The following KCNA7 variants were observed in gnomAD, a reference collection of about 807,000 sequenced individuals.
KCNA7 encodes potassium channel, voltage gated shaker related subfamily A, member 7.
A neutral mutation model predicts 21.5 loss-of-function variants in KCNA7; 15 were observed. The ratio of observed to expected loss-of-function variants is 0.70; its 90% confidence interval spans 0.47 to 1.07. KCNA7 has a LOEUF of 1.07. KCNA7 is among the 50% of genes least tolerant of loss of function. The pLI is 0.00. For synonymous variants in KCNA7, 298 were observed against 291.0 expected (o/e 1.02, Z -0.24); for missense variants, 640 against 651.6 (o/e 0.98, Z 0.19).
At position 49,067,725 on chromosome 19, in the gene KCNA7, G is replaced by C. The variant is rs1252873668; in HGVS notation, c.*2338C>G. ...TTGGGAAGCCACTCCCCTGCTCTGA[G>C]ACTCAGGTTTCTCCCCTGGAAAACA... On this transcript the variant is annotated 3_prime_UTR_variant, in exon 2 of 2. Coordinates refer to ENST00000221444, the MANE Select transcript of KCNA7 (RefSeq NM_031886.3). 6.6e-6 allele frequency: 1 copy of C among 152,134 alleles called. No homozygotes were observed. Among genetic ancestry groups the C allele is most frequent in the Non-Finnish European group, 1.5e-5 (1 of 68,046 alleles). 9.4% of individuals were successfully genotyped at this position (152,134 alleles called of 1,614,324 possible). A position where few individuals can be genotyped will look rare whatever the true frequency, so the allele number is the denominator to read the frequency against.
chr19:49,070,751 A>G lies in KCNA7; in HGVS notation c.683T>C (p.Leu228Pro). The change falls in exon 2 of 2, where the codon CTC becomes CCC. Residue 228 changes from leucine to proline, a missense_variant. Coordinates refer to ENST00000221444, the MANE Select transcript of KCNA7 (RefSeq NM_031886.3). The surrounding 1 kb of genome is among the most constrained non-coding windows in gnomAD (Gnocchi z 4.3). ...GATAGCCTTGCTTGGACAGACCAGGAGGCGTACCAGCAGCTCAAAGGAGAA... is the reference window on the plus strand; with the variant it reads ...GATAGCCTTGCTTGGACAGACCAGGGGGCGTACCAGCAGCTCAAAGGAGAA... ...CWFSFELLVR[L>P]LVCPSKAIFF... The G allele has an allele frequency of 6.2e-7, 1 of 1,614,162 alleles. No individual in the cohort carries two copies. Among genetic ancestry groups the G allele is most frequent in the East Asian group, 2.2e-5 (1 of 44,880 alleles).
In KCNA7 at chr19:49,072,356, C is replaced by T. The variant is rs757899215; in HGVS notation, c.230G>A (p.Arg77Gln). The T allele has an allele frequency of 7.5e-6, 12 of 1,595,462 alleles. 1 individual carries two copies. The highest frequency in any genetic ancestry group is 1.7e-4 in the Middle Eastern group (1 of 6,030). Residue 77 changes from arginine to glutamine, a missense_variant, in exon 1 of 2, where the codon CGG becomes CAG. Coordinates refer to ENST00000221444, the MANE Select transcript of KCNA7 (RefSeq NM_031886.3). ...AVLYYYQSGG[R>Q]LRRPAHVPLD... ...CGGCACGTGCGCCGGCCGCCGCAGC[C>T]GCCCACCGGACTGGTAGTAGTAGAG...
chr19:49,069,975 C>G lies in KCNA7; in HGVS notation c.*88G>C. ...GACTTAACCTAGCTCTTCCTAAACCCAATCCCCTCCCCCCAGCCTTGCCCT... is the reference window on the plus strand; with the variant it reads ...GACTTAACCTAGCTCTTCCTAAACCGAATCCCCTCCCCCCAGCCTTGCCCT... On this transcript the variant is annotated 3_prime_UTR_variant, in exon 2 of 2. Transcript: ENST00000221444. The G allele has an allele frequency of 2.8e-6, 3 of 1,060,646 alleles. No homozygotes were observed. Among genetic ancestry groups the G allele is most frequent in the Non-Finnish European group, 4.2e-6 (3 of 720,734 alleles). The allele number at this position is 1,060,646 out of a possible 1,614,324, so 65.7% of individuals were successfully genotyped here.
chr19:49,072,338 T>C lies in KCNA7; in HGVS notation c.248A>G (p.His83Arg). 3.8e-6 allele frequency: 6 copies of C among 1,592,558 alleles called. No individual in the cohort carries two copies. Among genetic ancestry groups the C allele is most frequent in the Non-Finnish European group, 5.1e-6 (6 of 1,174,190 alleles). The change falls in exon 1 of 2, where the codon CAC becomes CGC. Residue 83 changes from histidine (H) to arginine (R), a missense_variant. By Grantham distance (29) the His-to-Arg change is conservative. Coordinates refer to ENST00000221444, the MANE Select transcript of KCNA7 (RefSeq NM_031886.3). ...TTCCAGGAAGACGTCGAGCGGCACG[T>C]GCGCCGGCCGCCGCAGCCGCCCACC... is the stretch of plus-strand genomic sequence containing the variant. Reference protein sequence around the residue: ...QSGGRLRRPAHVPLDVFLEEV... With the variant: ...QSGGRLRRPARVPLDVFLEEV...
chr19:49,070,875 G>A lies in KCNA7; in HGVS notation c.559C>T (p.Pro187Ser), dbSNP rs144215009. Residue 187 changes from proline (P) to serine (S), a missense_variant, in exon 2 of 2, where the codon CCC becomes TCC. Transcript: ENST00000221444. This position sits in a 1 kb window ranked among gnomAD's most constrained non-coding sequence, Gnocchi z 4.3. ...TGGCTGGAGCCATTCAGCGGAGCGGGGAACTGCAGGGAGGAAAGTGTTCAG... is the reference window on the plus strand; with the variant it reads ...TGGCTGGAGCCATTCAGCGGAGCGGAGAACTGCAGGGAGGAAAGTGTTCAG... ...LAAAAAAGPF[P>S]APLNGSSQMP... 1.3e-3 allele frequency: 2,086 copies of A among 1,610,006 alleles called. 26 individuals are homozygous for A. The African/African-American group carries it at 0.025, about 19-fold the overall frequency.
chr19:49,071,919 TG>T, intron 1 of KCNA7, 111 bp downstream of exon 1: 1 of 631,060 alleles, frequency 1.6e-6, no homozygotes, highest in Non-Finnish European at 2.4e-6. Flanking sequence ...TGTCTTCGGC[TG>T]GCCCACCCCT....
intron 1 of KCNA7, 73 bp downstream of exon 1, chr19:49,071,958 G>T: frequency 1.5e-5 from 14 of 915,288 alleles, no homozygotes; most frequent in Non-Finnish European, 2.0e-5. Context: ...CCTTATGATT[G>T]GCCAGGTCCC....
At chr19:49,071,924 C>T in intron 1 of KCNA7, 107 bp downstream of exon 1, 1 of 1,117,790 alleles carries the variant, frequency 8.9e-7, no homozygotes, top group South Asian at 1.5e-5. Context: ...TCGGCTGGCC[C>T]ACCCCTCGCA....
chr19:49,070,071 C>T lies in KCNA7; in HGVS notation c.1363G>A (p.Glu455Lys), dbSNP rs762119570. The change falls in exon 2 of 2, where the codon GAA becomes AAA. Residue 455 changes from glutamate to lysine, a missense_variant. Physicochemically the swap from Glu to Lys is moderately conservative, Grantham distance 56. Coordinates refer to ENST00000221444, the MANE Select transcript of KCNA7 (RefSeq NM_031886.3). The surrounding 1 kb of genome is among the most constrained non-coding windows in gnomAD (Gnocchi z 4.3). ...CAGACCTCAACTGTTCCTCACACTTCGGTGACCAGGTGTTTCCCTGGGGGT... is the reference window on the plus strand; with the variant it reads ...CAGACCTCAACTGTTCCTCACACTTTGGTGACCAGGTGTTTCCCTGGGGGT... Reference protein sequence around the residue: ...WAPPGKHLVTEV With the variant: ...WAPPGKHLVTKV 3.1e-5 allele frequency: 50 copies of T among 1,599,940 alleles called. No individual in the cohort carries two copies. The highest frequency in any genetic ancestry group is 1.7e-4 in the Middle Eastern group (1 of 6,046).
chr19:49,071,099 C>T (rs553016696), intron 1 of KCNA7, among the ~76,000 whole-genome samples: 17 of 152,248 alleles, frequency 1.1e-4, no homozygotes, highest in African/African-American at 3.9e-4. Flanking sequence ...TGGCTGGAGA[C>T]GTGGTCCCTG....
chr19:49,072,630 A>T lies in KCNA7; in HGVS notation c.-45T>A. 1 of 1,098,138 alleles carries T rather than the reference A, an allele frequency of 9.1e-7. No individual in the cohort carries two copies. Among genetic ancestry groups the T allele is most frequent in the African/African-American group, 1.7e-5 (1 of 59,000 alleles). 68.0% of individuals were successfully genotyped at this position (1,098,138 alleles called of 1,614,324 possible). A position where few individuals can be genotyped will look rare whatever the true frequency, so the allele number is the denominator to read the frequency against. ...ACCCGCGAACCGACGTGTGGCCCCG[A>T]CGCCCGGCCCCGGTGCGGCCCCGCC... On this transcript the variant is annotated 5_prime_UTR_variant, in exon 1 of 2. Transcript: ENST00000221444.
chr19:49,072,304 G>A lies in KCNA7; in HGVS notation c.282C>T (p.Ala94=), dbSNP rs2040265135. The stretch of plus-strand genomic sequence containing the variant: ...GGGCCGCCGCGCCCAGCCCGTAGAA[G>A]GCCACCTCTTCCAGGAAGACGTCGA... The part of the protein sequence containing the change: ...VPLDVFLEEV[A]FYGLGAAALA... Residue 94 remains alanine, a synonymous_variant, in exon 1 of 2, where the codon GCC becomes GCT. Transcript: ENST00000221444. 1 of 1,587,642 alleles carries A rather than the reference G, an allele frequency of 6.3e-7. No individual in the cohort carries two copies. The highest frequency in any genetic ancestry group is 8.5e-7 in the Non-Finnish European group (1 of 1,171,522).
chr19:49,070,581 C>T lies in KCNA7; in HGVS notation c.853G>A (p.Val285Ile), dbSNP rs2122254984. Residue 285 changes from valine (V) to isoleucine (I), a missense_variant, in exon 2 of 2, where the codon GTC becomes ATC. Physicochemically the swap from Val to Ile is conservative, Grantham distance 29. Coordinates refer to ENST00000221444, the MANE Select transcript of KCNA7 (RefSeq NM_031886.3). The surrounding 1 kb of genome is among the most constrained non-coding windows in gnomAD (Gnocchi z 4.3). ...CGGGACAGCTTGAAGATGCGGAAGACACGCACCAATCGGATGACTCTCAGG... is the reference window on the plus strand; with the variant it reads ...CGGGACAGCTTGAAGATGCGGAAGATACGCACCAATCGGATGACTCTCAGG... ...AILRVIRLVR[V>I]FRIFKLSRHS... 1.2e-6 allele frequency: 2 copies of T among 1,614,198 alleles called. No individual in the cohort carries two copies. Among genetic ancestry groups the T allele is most frequent in the East Asian group, 4.5e-5 (2 of 44,882 alleles).
chr19:49,070,454 G>A lies in KCNA7; in HGVS notation c.980C>T (p.Ser327Phe). The stretch of plus-strand genomic sequence containing the variant: ...AACTTCGGCAAAGTAGACGGCGCTG[G>A]AAAAGAGGACCACACCGATGAAGAG... ...FFLFIGVVLF[S>F]SAVYFAEVDR... The change falls in exon 2 of 2, where the codon TCC becomes TTC. Residue 327 changes from serine (S) to phenylalanine (F), a missense_variant. Physicochemically the swap from Ser to Phe is radical, Grantham distance 155. Coordinates refer to ENST00000221444, the MANE Select transcript of KCNA7 (RefSeq NM_031886.3). The surrounding 1 kb of genome is among the most constrained non-coding windows in gnomAD (Gnocchi z 4.3). 6.2e-7 allele frequency: 1 copy of A among 1,614,100 alleles called. No individual in the cohort carries two copies. The highest frequency in any genetic ancestry group is 8.5e-7 in the Non-Finnish European group (1 of 1,180,006).
intron 1 of KCNA7, among the ~76,000 whole-genome samples, chr19:49,071,795 C>G (rs1224518034): frequency 6.6e-6 from 1 of 152,182 alleles, no homozygotes; most frequent in Non-Finnish European, 1.5e-5. Context: ...CCTCCTACCC[C>G]TTGCATCAAG....
At position 49,069,159 on chromosome 19, in the gene KCNA7, G is replaced by A. The variant is rs1431965281; in HGVS notation, c.*904C>T. Reference sequence around the variant, plus strand: ...TGGTGCTACCACTAAATGCAAAACAGCCCGATGTGGCCCTATGGAACTCGT... The same window carrying A: ...TGGTGCTACCACTAAATGCAAAACAACCCGATGTGGCCCTATGGAACTCGT... On this transcript the variant is annotated 3_prime_UTR_variant, in exon 2 of 2. Coordinates refer to ENST00000221444, the MANE Select transcript of KCNA7 (RefSeq NM_031886.3). The A allele has an allele frequency of 2.0e-5, 3 of 152,192 alleles. No individual in the cohort carries two copies. In the East Asian group the frequency reaches 5.8e-4, roughly 29 times the overall value. The allele number at this position is 152,192 out of a possible 1,614,324, so 9.4% of individuals were successfully genotyped here. A position where few individuals can be genotyped will look rare whatever the true frequency, so the allele number is the denominator to read the frequency against.
chr19:49,072,218 C>T lies in KCNA7; in HGVS notation c.368G>A (p.Arg123His). 1 of 1,607,760 alleles carries T rather than the reference C, an allele frequency of 6.2e-7. No individual in the cohort carries two copies. The highest frequency in any genetic ancestry group is 8.5e-7 in the Non-Finnish European group (1 of 1,177,756). The change falls in exon 1 of 2, where the codon CGC becomes CAC. Residue 123 changes from arginine (R) to histidine (H), a missense_variant. Coordinates refer to ENST00000221444, the MANE Select transcript of KCNA7 (RefSeq NM_031886.3). ...PVPPERPLPR[R>H]AFARQLWLLF... Reference sequence around the variant, plus strand: ...CAGCCACAGCTGGCGGGCGAAGGCGCGGCGGGGCAGGGGGCGCTCGGGCGG... The same window carrying T: ...CAGCCACAGCTGGCGGGCGAAGGCGTGGCGGGGCAGGGGGCGCTCGGGCGG...
chr19:49,070,876 G>A lies in KCNA7; in HGVS notation c.558C>T (p.Phe186=), dbSNP rs1176618174. 9.3e-6 allele frequency: 15 copies of A among 1,609,908 alleles called. No individual in the cohort carries two copies. Among genetic ancestry groups the A allele is most frequent in the Non-Finnish European group, 1.3e-5 (15 of 1,177,596 alleles). The change falls in exon 2 of 2, where the codon TTC becomes TTT. Residue 186 remains phenylalanine, a splice_region_variant and synonymous_variant. Coordinates refer to ENST00000221444, the MANE Select transcript of KCNA7 (RefSeq NM_031886.3). This position sits in a 1 kb window ranked among gnomAD's most constrained non-coding sequence, Gnocchi z 4.3. ...GGCTGGAGCCATTCAGCGGAGCGGG[G>A]AACTGCAGGGAGGAAAGTGTTCAGG... ...GLAAAAAAGP[F]PAPLNGSSQM...
Position 49,072,282 on chromosome 19 carries a change from C to T in KCNA7, c.304G>A (p.Ala102Thr). 6.3e-7 allele frequency: 1 copy of T among 1,580,474 alleles called. No individual in the cohort carries two copies. The highest frequency in any genetic ancestry group is 8.6e-7 in the Non-Finnish European group (1 of 1,168,104). Residue 102 changes from alanine (A) to threonine (T), a missense_variant, in exon 1 of 2, where the codon GCC becomes ACC. Ala to Thr is a moderately conservative substitution (Grantham distance 58, BLOSUM62 0). Coordinates refer to ENST00000221444, the MANE Select transcript of KCNA7 (RefSeq NM_031886.3). ...EVAFYGLGAA[A>T]LARLREDEGC... ...TCGTCCTCGCGCAGGCGTGCCAGGG[C>T]CGCCGCGCCCAGCCCGTAGAAGGCC...
Sources: gnomAD v4.1 joint callset for allele counts (sites outside exome capture counted in the v4.1 genomes callset) on GRCh38, gnomAD v4.1.1 for gene constraint, Gnocchi (gnomAD v3.1) non-coding constraint, MANE v1.5 for transcripts, NCBI Gene and HGNC (gene_info 2026-07-23, HGNC 2026-07-21) for gene names.